The following IP6K1 variants were observed in gnomAD, a reference collection of about 807,000 sequenced individuals.
IP6K1 encodes inositol hexakisphosphate kinase 1.
Under a neutral mutation model 38.3 loss-of-function variants are expected in IP6K1, and 13 were observed. That is an observed-to-expected ratio of 0.34 (90% confidence interval 0.22 to 0.54). IP6K1 has a LOEUF of 0.54. Ranked by LOEUF, IP6K1 falls within the 20% of genes least tolerant of loss-of-function variation. The probability of loss-of-function intolerance (pLI) is 0.92; values close to 1 mark genes in which losing one functional copy is unlikely to be tolerated. For missense variants in IP6K1, 397 were observed against 599.8 expected, an observed-to-expected ratio of 0.66 and a Z score of 3.53; for synonymous variants, 212 against 229.9, an observed-to-expected ratio of 0.92 and a Z score of 0.70.
At chr3:49,779,477 T>C (rs552793312) in intron 1 of IP6K1, among the ~76,000 whole-genome samples, 10 of 152,316 alleles carry the variant, frequency 6.6e-5, no homozygotes, top group South Asian at 2.1e-4. Context: ...CTTGGGTAGA[T>C]AGCCAGGAGG....
chr3:49,783,053 G>A (rs1026907811), intron 1 of IP6K1, among the ~76,000 whole-genome samples: 1 of 151,484 alleles, frequency 6.6e-6, no homozygotes, highest in Non-Finnish European at 1.5e-5. Flanking sequence ...CCAGGAGGCG[G>A]AAGTTGCAGT....
intron 3 of IP6K1, among the ~76,000 whole-genome samples, chr3:49,736,163 G>A (rs1429006762): frequency 6.6e-6 from 1 of 152,114 alleles, no homozygotes; most frequent in East Asian, 1.9e-4. Flanking sequence ...TGATCCACCC[G>A]CCTCGGCCTC....
At chr3:49,750,817 G>A (rs2080767914) in intron 1 of IP6K1, among the ~76,000 whole-genome samples, 1 of 152,146 alleles carries the variant, frequency 6.6e-6, no homozygotes, top group African/African-American at 2.4e-5. Context: ...CTAGACATTT[G>A]GTATTTGTTT....
intron 2 of IP6K1, among the ~76,000 whole-genome samples, chr3:49,743,700 A>C (rs2080694894): frequency 6.7e-6 from 1 of 149,494 alleles, no homozygotes; most frequent in South Asian, 2.1e-4. Context: ...GCTCACTGCA[A>C]CCTCTGCCTC....
At chr3:49,744,640 G>A (rs898452927) in intron 2 of IP6K1, among the ~76,000 whole-genome samples, 11 of 151,894 alleles carry the variant, frequency 7.2e-5, no homozygotes, top group Non-Finnish European at 1.2e-4. Context: ...TTTCCTGCCC[G>A]AACTCAGGAA....
In IP6K1 at chr3:49,727,212, G is replaced by A. The variant is rs199625767; in HGVS notation, c.1236C>T (p.Pro412=). 27 of 1,614,014 alleles carry A rather than the reference G, an allele frequency of 1.7e-5. No homozygotes were observed. The highest frequency in any genetic ancestry group is 8.3e-5 in the Admixed American group (5 of 60,000). ...CTCTGTCTGGCCCATCATGCACGGT[G>A]GGGTCATCCCGGAAGCCCTTGAATG... is the stretch of plus-strand genomic sequence containing the variant. ...HSTFKGFRDD[P]TVHDGPDRGY... is the part of the protein sequence containing the mutation. Residue 412 remains proline, a synonymous_variant, in exon 6 of 6, where the codon CCC becomes CCT. Coordinates refer to ENST00000321599, the MANE Select transcript of IP6K1 (RefSeq NM_153273.4). This position sits in a 1 kb window ranked among gnomAD's most constrained non-coding sequence, Gnocchi z 5.9.
At chr3:49,768,129 T>G (rs2080927796) in intron 1 of IP6K1, among the ~76,000 whole-genome samples, 1 of 152,210 alleles carries the variant, frequency 6.6e-6, no homozygotes, top group South Asian at 2.1e-4. Context: ...GAAGACAGTA[T>G]GGCAATTCCT....
chr3:49,748,546 T>C (rs2080744193), intron 1 of IP6K1, among the ~76,000 whole-genome samples: 1 of 152,226 alleles, frequency 6.6e-6, no homozygotes, highest in East Asian at 1.9e-4. Flanking sequence ...GAATTTGTTC[T>C]GTTCAGACTC....
chr3:49,752,389 G>C (rs2080785867), intron 1 of IP6K1, among the ~76,000 whole-genome samples: 1 of 151,722 alleles, frequency 6.6e-6, no homozygotes, highest in Admixed American at 6.6e-5. Flanking sequence ...TCGGGAGGCT[G>C]AGGCAGGAGA....
At chr3:49,771,966 C>A (rs1322001350) in intron 1 of IP6K1, among the ~76,000 whole-genome samples, 1 of 152,124 alleles carries the variant, frequency 6.6e-6, no homozygotes, top group Non-Finnish European at 1.5e-5. Flanking sequence ...GTAATCCCAA[C>A]ACTTTGCGAG....
intron 3 of IP6K1, among the ~76,000 whole-genome samples, chr3:49,734,394 CTTTTTTTTTTT>C (rs71735078): frequency 5.7e-5 from 5 of 87,286 alleles, no homozygotes; most frequent in Non-Finnish European, 8.7e-5. Flanking sequence ...ACCGTAATTT[CTTTTTTTTTTT>C]TTTTTTTTTT....
intron 1 of IP6K1, among the ~76,000 whole-genome samples, chr3:49,772,239 A>G (rs1361468654): frequency 2.7e-5 from 4 of 147,880 alleles, no homozygotes; most frequent in South Asian, 2.1e-4. Context: ...ATATATATAT[A>G]TATGTGTGTG....
chr3:49,773,756 G>C (rs745775295), intron 1 of IP6K1, among the ~76,000 whole-genome samples: 1 of 152,152 alleles, frequency 6.6e-6, no homozygotes, highest in African/African-American at 2.4e-5. Flanking sequence ...TCCAGGTAAA[G>C]TACCAAAAAC....
chr3:49,729,390 G>A (rs2080543625), intron 4 of IP6K1, among the ~76,000 whole-genome samples: 1 of 151,138 alleles, frequency 6.6e-6, no homozygotes, highest in Admixed American at 6.6e-5. Context: ...TTTTTATGTT[G>A]ATTTATTTTT....
intron 1 of IP6K1, among the ~76,000 whole-genome samples, chr3:49,764,662 T>C (rs1425072620): frequency 2.0e-5 from 3 of 151,942 alleles, no homozygotes; most frequent in African/African-American, 7.3e-5. Context: ...GCAGATCACT[T>C]GAGGTCGGGA....
chr3:49,749,422 A>G (rs2080752508), intron 1 of IP6K1, among the ~76,000 whole-genome samples: 1 of 152,206 alleles, frequency 6.6e-6, no homozygotes, highest in Non-Finnish European at 1.5e-5. Context: ...ATTTCTTAAC[A>G]CTGAGTGTAT....
At chr3:49,784,742 C>G (rs1306067273) in intron 1 of IP6K1, among the ~76,000 whole-genome samples, 2 of 151,492 alleles carry the variant, frequency 1.3e-5, no homozygotes, top group Non-Finnish European at 2.9e-5. Context: ...GTCAGGAGTT[C>G]GAGACCAGTC....
chr3:49,735,396 G>T (rs905482978), intron 3 of IP6K1, among the ~76,000 whole-genome samples: 6 of 152,260 alleles, frequency 3.9e-5, no homozygotes, highest in African/African-American at 1.4e-4. Flanking sequence ...ACCCTAAAGC[G>T]CTGTTCAGAG....
At chr3:49,761,037 C>T (rs1175197070) in intron 1 of IP6K1, among the ~76,000 whole-genome samples, 2 of 152,172 alleles carry the variant, frequency 1.3e-5, no homozygotes, top group African/African-American at 4.8e-5. Flanking sequence ...TAAAACTGGC[C>T]GGACGTGGTG....
Sources: allele counts gnomAD v4.1 joint callset (sites outside exome capture counted in the v4.1 genomes callset), GRCh38; gene constraint gnomAD v4.1.1; non-coding constraint Gnocchi (gnomAD v3.1); transcripts MANE v1.5; gene names NCBI Gene and HGNC (gene_info 2026-07-23, HGNC 2026-07-21).